Variants in APOD observed in about 807,000 individuals in gnomAD.
APOD encodes apo-D.
A neutral mutation model predicts 20.4 loss-of-function variants in APOD; 22 were observed. That is an observed-to-expected ratio of 1.08 (90% CI 0.77 to 1.54). The LOEUF is 1.54. APOD is among the 40% of genes most tolerant of loss of function. APOD has a pLI of 0.00. For synonymous variants in APOD, 97 were observed against 92.4 expected, an observed-to-expected ratio of 1.05 and a Z score of -0.29; for missense variants, 223 against 229.6, an observed-to-expected ratio of 0.97 and a Z score of 0.19.
intron 1 of APOD, among the ~76,000 whole-genome samples, chr3:195,580,914 G>A (rs1232413911): frequency 6.6e-6 from 1 of 152,176 alleles, no homozygotes; most frequent in African/African-American, 2.4e-5. Flanking sequence ...TCACTGACTC[G>A]CTGTCAATTT....
chr3:195,569,860 C>T (rs1039107103), intron 4 of APOD, among the ~76,000 whole-genome samples: 1 of 127,352 alleles, frequency 7.9e-6, no homozygotes, highest in Non-Finnish European at 1.6e-5. Flanking sequence ...AGTGCAATGG[C>T]GCGATCTCAG....
In APOD at chr3:195,573,857, C is replaced by G. The variant is rs780301427; in HGVS notation, c.238G>C (p.Glu80Gln). The G allele has an allele frequency of 6.2e-7, 1 of 1,614,108 alleles. No individual in the cohort carries two copies. Among genetic ancestry groups the G allele is most frequent in the East Asian group, 2.2e-5 (1 of 44,880 alleles). ...ENGKIKVLNQ[E>Q]LRADGTVNQI... ...ACGCCCACAGCCACTCACCTCAACT[C>G]CTGGTTTAACACTTTGATCTTTCCG... Residue 80 changes from glutamate (E) to glutamine (Q), a missense_variant, in exon 3 of 5, where the codon GAG becomes CAG. By Grantham distance (29) the Glu-to-Gln change is conservative. Coordinates refer to ENST00000343267, the MANE Select transcript of APOD (RefSeq NM_001647.4).
intron 2 of APOD, among the ~76,000 whole-genome samples, chr3:195,579,103 T>C (rs1720292405): frequency 6.6e-6 from 1 of 152,170 alleles, no homozygotes; most frequent in Non-Finnish European, 1.5e-5. Context: ...CCTTTATTGC[T>C]TCTGTGCTGT....
chr3:195,574,012 G>A (rs771613866), intron 2 of APOD, 41 bp from the exon 3 acceptor site: 4 of 1,606,214 alleles, frequency 2.5e-6, no homozygotes, highest in Admixed American at 3.4e-5. Context: ...GTGGTTCTCT[G>A]GGGACCTGCA....
In APOD at chr3:195,572,678, G is replaced by A. The variant is rs1322398892; in HGVS notation, c.245+1172C>T. On this transcript the variant is annotated intron_variant, in intron 3 of 4. Transcript: ENST00000343267. Reference sequence around the variant, plus strand: ...GTTTATCAATCCTCAAGGCAGAGCAGGGAGGCCAACTGAAATTAGAGCAGT... The same window carrying A: ...GTTTATCAATCCTCAAGGCAGAGCAAGGAGGCCAACTGAAATTAGAGCAGT... Among the ~76,000 whole-genome samples the A allele has an allele frequency of 2.0e-5, 3 of 152,176 alleles. No individual in the cohort carries two copies. The East Asian group carries it at 5.8e-4, about 29-fold the overall frequency.
intron 2 of APOD, among the ~76,000 whole-genome samples, chr3:195,577,606 C>G (rs7626854): frequency 0.25 from 37,711 of 152,120 alleles, 4,964 homozygotes; most frequent in African/African-American, 0.31. Flanking sequence ...TAGTAATCAA[C>G]ACTGTGTGGT....
At chr3:195,580,927 T>G (rs774782080) in intron 1 of APOD, among the ~76,000 whole-genome samples, 1 of 152,200 alleles carries the variant, frequency 6.6e-6, no homozygotes, top group Non-Finnish European at 1.5e-5. Flanking sequence ...GTCAATTTGC[T>G]CCTTTCCTTG....
intron 2 of APOD, among the ~76,000 whole-genome samples, chr3:195,575,210 C>G (rs1720228673): frequency 6.6e-6 from 1 of 152,236 alleles, no homozygotes; most frequent in Non-Finnish European, 1.5e-5. Context: ...CATTGCATCT[C>G]TCTGACTCTT....
chr3:195,579,274 T>C (rs1301619145), intron 2 of APOD, 65 bp downstream of exon 2: 4 of 1,600,122 alleles, frequency 2.5e-6, no homozygotes, highest in South Asian at 1.1e-5. Flanking sequence ...CATAATTACA[T>C]TGAACCTTGT....
chr3:195,571,751 A>T (rs1322276304), intron 3 of APOD, among the ~76,000 whole-genome samples: 1 of 152,098 alleles, frequency 6.6e-6, no homozygotes, highest in Non-Finnish European at 1.5e-5. Flanking sequence ...GGAAAAACAA[A>T]CAAAACAACC....
In APOD at chr3:195,579,378, G is replaced by T; in HGVS notation, c.84C>A (p.Cys28Ter). 1 of 1,614,226 alleles carries T rather than the reference G, an allele frequency of 6.2e-7. No individual in the cohort carries two copies. Among genetic ancestry groups the T allele is most frequent in the Non-Finnish European group, 8.5e-7 (1 of 1,180,046 alleles). The change falls in exon 2 of 5, where the codon TGC becomes TGA. Residue 28 changes from cysteine (C) to a stop codon, truncating the protein, a stop_gained. Transcript: ENST00000343267. LOFTEE classifies it high-confidence loss of function. ...AATTCTCCTGCACCGGAGGATTGGG[G>T]CACTTCCCAAGATGAAATGCTTGTC... The part of the protein sequence containing the change: ...AEGQAFHLGK[C>*]PNPPVQENFD...
Position 195,568,833 on chromosome 3 carries a change from G to GT in APOD, c.*66_*67insA, listed in dbSNP as rs369497400. On this transcript the variant is annotated 3_prime_UTR_variant, in exon 5 of 5. Transcript: ENST00000343267. Reference sequence around the variant, plus strand: ...CGTGGTTGATTGGTTTGTCTTTATGGGGGGGGGGTAGGGGAAAGCGAAGCA... The same window carrying GT: ...CGTGGTTGATTGGTTTGTCTTTATGGTGGGGGGGGTAGGGGAAAGCGAAGCA... The GT allele has an allele frequency of 2.6e-5, 27 of 1,041,198 alleles. No individual in the cohort carries two copies. The highest frequency in any genetic ancestry group is 9.0e-5 in the African/African-American group (5 of 55,480). 64.5% of individuals were successfully genotyped at this position (1,041,198 alleles called of 1,614,324 possible).
chr3:195,575,542 G>C (rs1218418485), intron 2 of APOD, among the ~76,000 whole-genome samples: 1 of 152,146 alleles, frequency 6.6e-6, no homozygotes, highest in South Asian at 2.1e-4. Context: ...GAGGTACAGA[G>C]GTGGGAGGGA....
intron 1 of APOD, among the ~76,000 whole-genome samples, chr3:195,579,948 C>A (rs1425962416): frequency 2.6e-5 from 4 of 152,196 alleles, no homozygotes; most frequent in African/African-American, 9.7e-5. Context: ...TGTTGCCCAA[C>A]ACTTAGTGTC....
At chr3:195,575,819 G>T (rs1720238702) in intron 2 of APOD, among the ~76,000 whole-genome samples, 1 of 151,982 alleles carries the variant, frequency 6.6e-6, no homozygotes, top group Admixed American at 6.6e-5. Flanking sequence ...CTGGAGAAGG[G>T]GTTTCACCAT....
Position 195,569,014 on chromosome 3 carries a change from G to C in APOD, c.456C>G (p.Asn152Lys), listed in dbSNP as rs200781716. Reference protein sequence around the residue: ...HVDFAWILARNPNLPPETVDS... With the variant: ...HVDFAWILARKPNLPPETVDS... ...CCACTGTTTCTGGAGGGAGATTAGG[G>C]TTTCTTGCCAAGATCCAAGCAAAAT... The change falls in exon 5 of 5, where the codon AAC becomes AAG. Residue 152 changes from asparagine (N) to lysine (K), a missense_variant. By Grantham distance (94) the Asn-to-Lys change is moderately conservative (BLOSUM62 0). Coordinates refer to ENST00000343267, the MANE Select transcript of APOD (RefSeq NM_001647.4). The C allele has an allele frequency of 6.2e-7, 1 of 1,613,960 alleles. No individual in the cohort carries two copies. Among genetic ancestry groups the C allele is most frequent in the African/African-American group, 1.3e-5 (1 of 74,888 alleles).
At chr3:195,575,786 C>A (rs1720237952) in intron 2 of APOD, among the ~76,000 whole-genome samples, 2 of 152,066 alleles carry the variant, frequency 1.3e-5, no homozygotes, top group Admixed American at 6.6e-5. Context: ...TGCCACCATG[C>A]CCGGCTAATT....
chr3:195,583,693 T>C (rs530503525), intron 1 of APOD, among the ~76,000 whole-genome samples, 185 bp downstream of exon 1: 33 of 152,168 alleles, frequency 2.2e-4, no homozygotes, highest in Non-Finnish European at 4.6e-4. Context: ...ACTGGAAAAA[T>C]GGCTCTGATG....
rs2108966977 is a variant in APOD, at chr3:195,569,234, C to T, written c.335-99G>A. ...GCCCAGACAACCACCCACCAAGCCC[C>T]CCACCTCTGATTTTGTTTATCAATC... On this transcript the variant is annotated intron_variant, in intron 4 of 4. Coordinates refer to ENST00000343267, the MANE Select transcript of APOD (RefSeq NM_001647.4). 5.2e-6 allele frequency: 5 copies of T among 967,756 alleles called. No homozygotes were observed. The South Asian group carries it at 7.3e-5, about 14-fold the overall frequency. 59.9% of individuals were successfully genotyped at this position (967,756 alleles called of 1,614,324 possible).
Sources: allele counts gnomAD v4.1 joint callset (sites outside exome capture counted in the v4.1 genomes callset), GRCh38; gene constraint gnomAD v4.1.1; transcripts MANE v1.5; gene names NCBI Gene and HGNC (gene_info 2026-07-23, HGNC 2026-07-21).